AASS: variants seen among roughly 807,000 people sequenced by gnomAD.
AASS encodes alpha-aminoadipic semialdehyde synthase, mitochondrial.
AASS carries 86 observed loss-of-function variants against 105.4 expected under a neutral mutation model. The observed-to-expected ratio is 0.82, with a 90% CI of 0.69 to 0.98. AASS has a LOEUF of 0.98. Among genes scored for constraint, AASS ranks in the 50% least tolerant of loss-of-function variants. AASS has a pLI of 0.00. For missense variants in AASS, 1,048 were observed against 1,143.2 expected (o/e 0.92, Z 1.20); for synonymous variants, 381 against 394.8 (o/e 0.96, Z 0.41).
At chr7:122,115,409 T>C (rs190994122) in intron 8 of AASS, among the ~76,000 whole-genome samples, 187 bp from the exon 9 acceptor site, 23 of 152,334 alleles carry the variant, frequency 1.5e-4, no homozygotes, top group African/African-American at 5.5e-4. Flanking sequence ...GATTTCAGTA[T>C]AGAATTACCC....
At chr7:122,127,398 A>G (rs1795707162) in intron 3 of AASS, among the ~76,000 whole-genome samples, 1 of 152,144 alleles carries the variant, frequency 6.6e-6, no homozygotes, top group African/African-American at 2.4e-5. Flanking sequence ...AATGTTTATC[A>G]TTCTTCCAAC....
At chr7:122,090,380 T>C (rs752820460) in intron 18 of AASS, among the ~76,000 whole-genome samples, 1 of 152,086 alleles carries the variant, frequency 6.6e-6, no homozygotes, top group Admixed American at 6.6e-5. Flanking sequence ...ATCAGAATCT[T>C]TGGGGATGAG....
Position 122,101,455 on chromosome 7 carries a change from CA to C in AASS, c.1339-18del. On this transcript the variant is annotated intron_variant, in intron 12 of 23. Transcript: ENST00000417368. ...AATCACTGCCTAAATGTATATGACA[CA>C]AGACATTTCTTTAGTATCCACATTT... 1 of 1,589,532 alleles carries C rather than the reference CA, an allele frequency of 6.3e-7. No homozygotes were observed. Among genetic ancestry groups the C allele is most frequent in the South Asian group, 1.1e-5 (1 of 90,578 alleles).
At chr7:122,123,773 T>C (rs1418035406) in intron 4 of AASS, among the ~76,000 whole-genome samples, 1 of 152,140 alleles carries the variant, frequency 6.6e-6, no homozygotes, top group Non-Finnish European at 1.5e-5. Context: ...TCCCTAGACT[T>C]CTCACTCCTG....
chr7:122,129,282 C>A (rs1364962408), intron 3 of AASS, 79 bp downstream of exon 3: 2 of 941,704 alleles, frequency 2.1e-6, no homozygotes, highest in East Asian at 2.9e-5. Context: ...GAAAAGAAGA[C>A]TAAAACTCCA....
chr7:122,140,619 C>A (rs1796351555), intron 1 of AASS, among the ~76,000 whole-genome samples: 1 of 151,514 alleles, frequency 6.6e-6, no homozygotes, highest in South Asian at 2.1e-4. Context: ...CAACTTTAAT[C>A]CCCACAGTTA....
At chr7:122,116,458 A>C (rs1365937746) in intron 8 of AASS, among the ~76,000 whole-genome samples, 175 bp downstream of exon 8, 3 of 152,208 alleles carry the variant, frequency 2.0e-5, no homozygotes, top group African/African-American at 7.2e-5. Context: ...GCACTAAGCG[A>C]GACTACTCCA....
chr7:122,108,019 CA>C (rs1218448249), intron 11 of AASS, among the ~76,000 whole-genome samples: 3 of 146,242 alleles, frequency 2.1e-5, no homozygotes, highest in Non-Finnish European at 4.5e-5. Flanking sequence ...TACAAAGGAT[CA>C]TAAGAGAGCA....
At chr7:122,093,278 A>G in intron 15 of AASS, 120 bp from the exon 16 acceptor site, 2 of 782,304 alleles carry the variant, frequency 2.6e-6, no homozygotes, top group Non-Finnish European at 2.2e-6. Context: ...TCTCTCAGAA[A>G]AGGGAACACT....
In AASS at chr7:122,091,751, T is replaced by A. The variant is rs1213610126; in HGVS notation, c.1968A>T (p.Gly656=). The change falls in exon 18 of 24, where the codon GGA becomes GGT. Residue 656 remains glycine (G), a synonymous_variant. Transcript: ENST00000417368. The part of the protein sequence containing the change: ...LRYKFSWSPV[G]VLMNVMQSAT... ...CAGACTGCATTACATTCATCAAAACTCCCACTGGACTCCAGCTAAATTTAT... is the reference window on the plus strand; with the variant it reads ...CAGACTGCATTACATTCATCAAAACACCCACTGGACTCCAGCTAAATTTAT... 2.5e-6 allele frequency: 4 copies of A among 1,613,372 alleles called. No homozygotes were observed. Among genetic ancestry groups the A allele is most frequent in the Non-Finnish European group, 3.4e-6 (4 of 1,179,630 alleles).
chr7:122,115,483 C>T (rs1028536719), intron 8 of AASS, among the ~76,000 whole-genome samples: 18 of 151,728 alleles, frequency 1.2e-4, no homozygotes, highest in Admixed American at 6.6e-4. Flanking sequence ...TATTGCATGC[C>T]GAAGAAAAAT....
intron 1 of AASS, among the ~76,000 whole-genome samples, chr7:122,135,128 G>T (rs910466636): frequency 1.3e-5 from 2 of 152,028 alleles, no homozygotes; most frequent in African/African-American, 2.4e-5. Flanking sequence ...CTGTCATGGG[G>T]TGCGGGGAGG....
chr7:122,078,839 T>C, intron 22 of AASS, 23 bp downstream of exon 22: 1 of 1,597,936 alleles, frequency 6.3e-7, no homozygotes, highest in Non-Finnish European at 8.6e-7. Context: ...TTAGGTATAT[T>C]TAGCTAATAC....
chr7:122,094,781 G>A (rs1794066899), intron 15 of AASS, among the ~76,000 whole-genome samples: 1 of 151,648 alleles, frequency 6.6e-6, no homozygotes, highest in South Asian at 2.1e-4. Flanking sequence ...TAGCCATTCT[G>A]ATACCTTTAC....
chr7:122,100,684 G>C (rs1794384467), intron 13 of AASS, among the ~76,000 whole-genome samples: 2 of 151,618 alleles, frequency 1.3e-5, no homozygotes, highest in Admixed American at 6.6e-5. Context: ...TATAAACACA[G>C]ATCAAGGGCA....
At position 122,098,738 on chromosome 7, in the gene AASS, T is replaced by A; in HGVS notation, c.1528+7A>T. On this transcript the variant is annotated splice_region_variant and intron_variant, in intron 14 of 23. Transcript: ENST00000417368. ...TTTTTCTTCTTCAAAAATTAGGGCT[T>A]ATTTACCTACTGTTATTTCTATATT... 1 of 1,607,312 alleles carries A rather than the reference T, an allele frequency of 6.2e-7. No homozygotes were observed. The highest frequency in any genetic ancestry group is 8.5e-7 in the Non-Finnish European group (1 of 1,176,000).
At chr7:122,142,410 C>G (rs896670278) in intron 1 of AASS, among the ~76,000 whole-genome samples, 6 of 152,030 alleles carry the variant, frequency 3.9e-5, no homozygotes, top group Admixed American at 2.0e-4. Context: ...CACGATGGCT[C>G]CATATTAATC....
intron 1 of AASS, among the ~76,000 whole-genome samples, chr7:122,142,493 G>A (rs1387547636): frequency 6.6e-6 from 1 of 151,964 alleles, no homozygotes; most frequent in African/African-American, 2.4e-5. Context: ...TCAAACTTCA[G>A]GCATGCATGT....
intron 19 of AASS, among the ~76,000 whole-genome samples, chr7:122,083,447 A>C (rs1274391332): frequency 6.6e-6 from 1 of 152,132 alleles, no homozygotes; most frequent in East Asian, 1.9e-4. Context: ...ATCAATAAGC[A>C]TTTAGCAAAC....
Sources: gnomAD v4.1 joint callset for allele counts (sites outside exome capture counted in the v4.1 genomes callset) on GRCh38, gnomAD v4.1.1 for gene constraint, MANE v1.5 for transcripts, NCBI Gene and HGNC (gene_info 2026-07-23, HGNC 2026-07-21) for gene names.